ESYT2: variants seen among roughly 807,000 people sequenced by gnomAD.
The protein encoded by ESYT2 is extended synaptotagmin 2, also known as extended synaptotagmin-2.
A neutral mutation model predicts 107.2 loss-of-function variants in ESYT2; 54 were observed. That is an observed-to-expected ratio of 0.50 (90% CI 0.40 to 0.63). The LOEUF is 0.63. Among genes scored for constraint, ESYT2 ranks in the 30% least tolerant of loss-of-function variants. The probability of loss-of-function intolerance (pLI) is 0.00; values close to 1 mark genes in which losing one functional copy is unlikely to be tolerated. For synonymous variants in ESYT2, 491 were observed against 434.1 expected (o/e 1.13, Z -1.63); for missense variants, 1,020 against 1,094.5 (o/e 0.93, Z 0.96).
At chr7:158,741,173 G>A (rs1837187070) in intron 18 of ESYT2, among the ~76,000 whole-genome samples, 1 of 152,176 alleles carries the variant, frequency 6.6e-6, no homozygotes, top group Admixed American at 6.5e-5. Context: ...TCCAGTGGCC[G>A]CAGCGAGGCC....
chr7:158,740,271 C>A (rs1290814785), intron 18 of ESYT2, among the ~76,000 whole-genome samples: 2 of 152,254 alleles, frequency 1.3e-5, no homozygotes, highest in Admixed American at 1.3e-4. Context: ...CTGCCCTACC[C>A]TTCCTCCTCT....
chr7:158,811,302 A>G (rs1839988843), intron 1 of ESYT2, among the ~76,000 whole-genome samples: 1 of 152,254 alleles, frequency 6.6e-6, no homozygotes, highest in African/African-American at 2.4e-5. Context: ...GTAGAGCCAG[A>G]GGACCCAAAG....
intron 10 of ESYT2, among the ~76,000 whole-genome samples, chr7:158,762,221 A>C (rs1837995336): frequency 6.6e-6 from 1 of 151,658 alleles, no homozygotes. Context: ...TGCCCCCCAC[A>C]ATCTATGTCT....
intron 1 of ESYT2, among the ~76,000 whole-genome samples, chr7:158,803,131 G>A (rs1286335706): frequency 6.6e-6 from 1 of 152,244 alleles, no homozygotes; most frequent in African/African-American, 2.4e-5. Context: ...CCTGGGGCAG[G>A]CCCCACCAGC....
intron 1 of ESYT2, among the ~76,000 whole-genome samples, chr7:158,823,127 C>G (rs1840332809): frequency 6.6e-6 from 1 of 150,928 alleles, no homozygotes; most frequent in African/African-American, 2.4e-5. Context: ...ACCCTGTCTG[C>G]ACTATAATAC....
At chr7:158,735,171 T>C (rs1836884729) in intron 21 of ESYT2, among the ~76,000 whole-genome samples, 1 of 152,164 alleles carries the variant, frequency 6.6e-6, no homozygotes, top group South Asian at 2.1e-4. Context: ...CAAAGTGAAA[T>C]GTGAAATACG....
At chr7:158,751,045 T>C (rs532122203) in intron 14 of ESYT2, among the ~76,000 whole-genome samples, 29 of 152,338 alleles carry the variant, frequency 1.9e-4, no homozygotes, top group African/African-American at 6.0e-4. Flanking sequence ...TTCCTAGAAA[T>C]TGACTGCACC....
At chr7:158,738,344 GACACAC>G (rs199580275) in intron 19 of ESYT2, among the ~76,000 whole-genome samples, 1,861 of 131,118 alleles carry the variant, frequency 0.014, 57 homozygotes, top group Middle Eastern at 0.035. Flanking sequence ...CACACACACA[GACACAC>G]ACACACACAC....
chr7:158,767,798 G>A (rs970398397), intron 7 of ESYT2, 24 bp from the exon 8 acceptor site: 37 of 1,600,346 alleles, frequency 2.3e-5, no homozygotes, highest in Non-Finnish European at 3.0e-5. Flanking sequence ...GACAAAAAGA[G>A]CAAACGGACT....
intron 6 of ESYT2, among the ~76,000 whole-genome samples, chr7:158,785,743 T>G (rs1207809775): frequency 1.3e-5 from 2 of 152,182 alleles, no homozygotes; most frequent in Non-Finnish European, 1.5e-5. Context: ...CGTCTATCAC[T>G]TAACCACAGC....
intron 5 of ESYT2, 79 bp from the exon 6 acceptor site, chr7:158,788,172 A>G (rs542826885): frequency 1.3e-5 from 17 of 1,304,856 alleles, no homozygotes; most frequent in Non-Finnish European, 1.8e-5. Context: ...TTGCATGCGA[A>G]TCTTAGTAAC....
In ESYT2 at chr7:158,741,940, G is replaced by T. The variant is rs183120982; in HGVS notation, c.1795-44C>A. ...ATAAAAATTAAACTTGGTGACACTG[G>T]TAACATCCTAATACTGGAACAGCCT... On this transcript the variant is annotated intron_variant, in intron 17 of 22. Transcript: ENST00000275418. 8 of 1,532,322 alleles carry T rather than the reference G, an allele frequency of 5.2e-6. No homozygotes were observed. The East Asian group carries it at 6.8e-5, about 13-fold the overall frequency. 94.9% of individuals were successfully genotyped at this position (1,532,322 alleles called of 1,614,324 possible).
At chr7:158,798,437 G>A (rs904073548) in intron 2 of ESYT2, among the ~76,000 whole-genome samples, 3 of 151,562 alleles carry the variant, frequency 2.0e-5, no homozygotes, top group Admixed American at 6.6e-5. Flanking sequence ...ATCTGAGGTC[G>A]GGAGTTTGAG....
chr7:158,765,255 T>C (rs1838116588), intron 8 of ESYT2, among the ~76,000 whole-genome samples: 1 of 152,194 alleles, frequency 6.6e-6, no homozygotes, highest in African/African-American at 2.4e-5. Context: ...GCCACCCAGC[T>C]GTACTAGATC....
At chr7:158,745,255 G>A (rs1319877366) in intron 16 of ESYT2, among the ~76,000 whole-genome samples, 6 of 84,144 alleles carry the variant, frequency 7.1e-5, no homozygotes, top group African/African-American at 1.3e-4. Context: ...TCCTAGGCCC[G>A]GCTGTTCACA....
chr7:158,746,546 A>G (rs1326111580), intron 16 of ESYT2, among the ~76,000 whole-genome samples: 1 of 152,046 alleles, frequency 6.6e-6, no homozygotes, highest in Admixed American at 6.6e-5. Flanking sequence ...AAGCACCAAT[A>G]ATAAAGACAG....
chr7:158,803,422 ACT>A (rs1448559720), intron 1 of ESYT2, among the ~76,000 whole-genome samples: 4 of 151,706 alleles, frequency 2.6e-5, no homozygotes, highest in Non-Finnish European at 4.4e-5. Context: ...GAAATCGGAA[ACT>A]CTGGTTTCTA....
intron 6 of ESYT2, among the ~76,000 whole-genome samples, chr7:158,782,319 C>T (rs1176173548): frequency 2.8e-5 from 4 of 144,074 alleles, no homozygotes; most frequent in Non-Finnish European, 4.5e-5. Flanking sequence ...TGTGAGTGAA[C>T]GAGTGTGAGA....
intron 1 of ESYT2, among the ~76,000 whole-genome samples, chr7:158,820,966 T>C (rs530850190): frequency 1.3e-5 from 2 of 152,354 alleles, no homozygotes; most frequent in South Asian, 2.1e-4. Flanking sequence ...AGCAAATGCC[T>C]AATAAATGTC....
Sources: gnomAD v4.1 joint callset for allele counts (sites outside exome capture counted in the v4.1 genomes callset) on GRCh38, gnomAD v4.1.1 for gene constraint, MANE v1.5 for transcripts, NCBI Gene and HGNC (gene_info 2026-07-23, HGNC 2026-07-21) for gene names.